Variants in RASAL2 observed in about 807,000 individuals in gnomAD.
The protein encoded by RASAL2 is RAS protein activator like 2.
A neutral mutation model predicts 128.9 loss-of-function variants in RASAL2; 58 were observed. The observed-to-expected ratio is 0.45, with a 90% CI of 0.36 to 0.56. RASAL2 has a LOEUF of 0.56. Among genes scored for constraint, RASAL2 ranks in the 20% least tolerant of loss-of-function variants. The probability of loss-of-function intolerance (pLI) is 0.00; values close to 1 mark genes in which losing one functional copy is unlikely to be tolerated. For synonymous variants in RASAL2, 561 were observed against 580.8 expected (o/e 0.97, Z 0.49); for missense variants, 1,360 against 1,601.6 (o/e 0.85, Z 2.57).
chr1:178,273,517 C>G (rs1666356531), intron 1 of RASAL2, among the ~76,000 whole-genome samples: 2 of 152,240 alleles, frequency 1.3e-5, no homozygotes, highest in South Asian at 4.1e-4. Flanking sequence ...AACAGGTTCA[C>G]CAAATGTTAA....
At chr1:178,445,699 C>T (rs778285284) in intron 9 of RASAL2, 37 bp downstream of exon 9, 3 of 1,571,828 alleles carry the variant, frequency 1.9e-6, no homozygotes, top group Non-Finnish European at 2.6e-6. Flanking sequence ...CTTTTATTTA[C>T]TTTTCAGTTT....
intron 3 of RASAL2, among the ~76,000 whole-genome samples, chr1:178,360,780 G>A (rs900559462): frequency 6.6e-6 from 1 of 152,200 alleles, no homozygotes; most frequent in Non-Finnish European, 1.5e-5. Flanking sequence ...CGAATCTGTT[G>A]CATGCCTTTT....
At chr1:178,094,831 G>T (rs761754272) in intron 1 of RASAL2, 137 bp downstream of exon 1, 3 of 1,076,142 alleles carry the variant, frequency 2.8e-6, no homozygotes, top group Non-Finnish European at 4.0e-6. Context: ...TGTTCTGGGG[G>T]TGCATTTCTG....
chr1:178,269,199 C>T (rs1243217818), intron 1 of RASAL2, among the ~76,000 whole-genome samples: 1 of 152,170 alleles, frequency 6.6e-6, no homozygotes, highest in Non-Finnish European at 1.5e-5. Flanking sequence ...GAGAAGGTGG[C>T]CATCTGTAAG....
At chr1:178,110,158 C>T (rs996303548) in intron 1 of RASAL2, among the ~76,000 whole-genome samples, 4 of 152,158 alleles carry the variant, frequency 2.6e-5, no homozygotes, top group African/African-American at 9.7e-5. Context: ...CTTACTTTGT[C>T]TAAAAAGTTT....
chr1:178,448,389 C>T (rs1368492464), intron 9 of RASAL2, among the ~76,000 whole-genome samples: 1 of 152,100 alleles, frequency 6.6e-6, no homozygotes, highest in African/African-American at 2.4e-5. Flanking sequence ...TAGAGTGAGT[C>T]GCCATTCAAG....
intron 1 of RASAL2, among the ~76,000 whole-genome samples, chr1:178,165,526 G>A (rs1014459646): frequency 2.6e-5 from 4 of 152,140 alleles, no homozygotes; most frequent in Non-Finnish European, 5.9e-5. Context: ...GTGGATTTGG[G>A]TATCCAAGGG....
intron 3 of RASAL2, among the ~76,000 whole-genome samples, chr1:178,366,712 A>G (rs1254039825): frequency 6.6e-6 from 1 of 152,042 alleles, no homozygotes; most frequent in Non-Finnish European, 1.5e-5. Flanking sequence ...TAATATTAAA[A>G]AGTAGAAACA....
In RASAL2 at chr1:178,338,631, T is replaced by C. The variant is rs545082405; in HGVS notation, c.457+38513T>C. Among the ~76,000 whole-genome samples, 28 of 152,362 alleles carry C rather than the reference T, an allele frequency of 1.8e-4. No individual in the cohort carries two copies. In the South Asian group the frequency reaches 4.8e-3, roughly 26 times the overall value. On this transcript the variant is annotated intron_variant, in intron 3 of 17. Transcript: ENST00000367649. ...TTTAGAAACACTATATTTGTTGATA[T>C]TGAACTTTGAAACTATCATAGATGT...
intron 3 of RASAL2, among the ~76,000 whole-genome samples, chr1:178,371,900 A>AT (rs1671738728): frequency 6.6e-6 from 1 of 151,520 alleles, no homozygotes; most frequent in African/African-American, 2.4e-5. Context: ...TTTTCGTATG[A>AT]TTTTTCCTGT....
At chr1:178,427,045 G>A (rs1040196427) in intron 5 of RASAL2, among the ~76,000 whole-genome samples, 12 of 152,204 alleles carry the variant, frequency 7.9e-5, no homozygotes, top group Admixed American at 2.0e-4. Context: ...TAGGAGGAAC[G>A]TTTTAGAGGC....
intron 1 of RASAL2, among the ~76,000 whole-genome samples, chr1:178,251,389 G>A (rs371931481): frequency 2.6e-5 from 4 of 152,150 alleles, no homozygotes; most frequent in Admixed American, 6.5e-5. Context: ...TGATGCTTCC[G>A]TTAGAACACT....
intron 5 of RASAL2, among the ~76,000 whole-genome samples, chr1:178,425,226 G>T (rs897469736): frequency 1.3e-5 from 2 of 152,138 alleles, no homozygotes; most frequent in Non-Finnish European, 2.9e-5. Flanking sequence ...TAGAAAGTAG[G>T]AAATTATGGA....
At chr1:178,423,934 C>G (rs146079122) in intron 5 of RASAL2, among the ~76,000 whole-genome samples, 26 of 152,070 alleles carry the variant, frequency 1.7e-4, no homozygotes, top group African/African-American at 6.3e-4. Flanking sequence ...CAATCTGTTT[C>G]TTGTGTTTTA....
intron 1 of RASAL2, among the ~76,000 whole-genome samples, chr1:178,215,546 T>C (rs1663396333): frequency 6.6e-6 from 1 of 152,252 alleles, no homozygotes; most frequent in Non-Finnish European, 1.5e-5. Context: ...GTATTACTTA[T>C]GAATACACTT....
chr1:178,330,582 T>G (rs2102366276), intron 3 of RASAL2, among the ~76,000 whole-genome samples: 1 of 152,304 alleles, frequency 6.6e-6, no homozygotes, highest in South Asian at 2.1e-4. Flanking sequence ...GGCTGTAGTC[T>G]GGGTCATGAA....
In RASAL2 at chr1:178,458,399, G is replaced by T. The variant is rs561944165; in HGVS notation, c.3107G>T (p.Arg1036Leu). ...TCCCTGCCACACAGTGCTTCTTTAC[G>T]TAGCACCGGGAGCATGTCAGTGGTG... is the stretch of plus-strand genomic sequence containing the variant. ...PPSLPHSASL[R>L]STGSMSVVSA... is the part of the protein sequence containing the mutation. The change falls in exon 14 of 18, where the codon CGT becomes CTT. Residue 1036 changes from arginine (R) to leucine (L), a missense_variant. Transcript: ENST00000367649. The T allele has an allele frequency of 6.2e-7, 1 of 1,614,100 alleles. No individual in the cohort carries two copies. Among genetic ancestry groups the T allele is most frequent in the African/African-American group, 1.3e-5 (1 of 74,934 alleles).
chr1:178,287,489 T>TA (rs1383023384), intron 2 of RASAL2, among the ~76,000 whole-genome samples: 1 of 151,966 alleles, frequency 6.6e-6, no homozygotes, highest in East Asian at 1.9e-4. Flanking sequence ...CCTGGCTATC[T>TA]ACCCAGAGGA....
At chr1:178,158,204 A>G (rs1278830632) in intron 1 of RASAL2, among the ~76,000 whole-genome samples, 1 of 152,228 alleles carries the variant, frequency 6.6e-6, no homozygotes, top group Admixed American at 6.5e-5. Flanking sequence ...TTGAGTTTGC[A>G]GCCTTGCTTT....
Sources: gnomAD v4.1 joint callset for allele counts (sites outside exome capture counted in the v4.1 genomes callset) on GRCh38, gnomAD v4.1.1 for gene constraint, MANE v1.5 for transcripts, NCBI Gene and HGNC (gene_info 2026-07-23, HGNC 2026-07-21) for gene names.